The following LRRC8E variants were observed in gnomAD, a reference collection of about 807,000 sequenced individuals.
The protein encoded by LRRC8E is leucine rich repeat containing 8 VRAC subunit E, also known as volume-regulated anion channel subunit LRRC8E.
LRRC8E carries 6 observed loss-of-function variants against 6.1 expected under a neutral mutation model. The ratio of observed to expected loss-of-function variants is 0.98; its 90% confidence interval spans 0.54 to 1.93. LRRC8E has a LOEUF of 1.93. Among genes scored for constraint, LRRC8E ranks in the 30% most tolerant of loss-of-function variants. The pLI, the probability that LRRC8E is intolerant of heterozygous loss-of-function variation, is 0.01. For synonymous variants in LRRC8E, 485 were observed against 472.8 expected (o/e 1.03, Z -0.33); for missense variants, 1,028 against 1,031.4 (o/e 1.00, Z 0.04).
Position 7,900,754 on chromosome 19 carries a change from C to G in LRRC8E, c.2232C>G (p.Leu744=). ...AGCTCTCGCCCCACGTGGGTGCCCT[C>G]AGAGCCCTCAGCCGCCTGGAGCTCA... ...LSQLSPHVGA[L]RALSRLELKG... is the part of the protein sequence containing the mutation. Residue 744 remains leucine, a synonymous_variant, in exon 3 of 3, where the codon CTC becomes CTG. Coordinates refer to ENST00000306708, the MANE Select transcript of LRRC8E (RefSeq NM_025061.6). This position sits in a 1 kb window ranked among gnomAD's most constrained non-coding sequence, Gnocchi z 5.0. 6.2e-7 allele frequency: 1 copy of G among 1,611,778 alleles called. No homozygotes were observed. The highest frequency in any genetic ancestry group is 8.5e-7 in the Non-Finnish European group (1 of 1,179,012).
At position 7,895,767 on chromosome 19, in the gene LRRC8E, T is replaced by A. The variant is rs1568264192; in HGVS notation, c.138+26T>A. 6.2e-7 allele frequency: 1 copy of A among 1,606,786 alleles called. No homozygotes were observed. The highest frequency in any genetic ancestry group is 8.5e-7 in the Non-Finnish European group (1 of 1,174,294). On this transcript the variant is annotated intron_variant, in intron 2 of 2. Coordinates refer to ENST00000306708, the MANE Select transcript of LRRC8E (RefSeq NM_025061.6). This position sits in a 1 kb window ranked among gnomAD's most constrained non-coding sequence, Gnocchi z 4.7. Reference sequence around the variant, plus strand: ...GTGAGGCCCTCCCCTGGCAAGGGGGTGTGACCAGAGGGGCGGGGCAGGTGT... The same window carrying A: ...GTGAGGCCCTCCCCTGGCAAGGGGGAGTGACCAGAGGGGCGGGGCAGGTGT...
chr19:7,890,588 G>A (rs1196427415), intron 1 of LRRC8E, among the ~76,000 whole-genome samples: 4 of 152,024 alleles, frequency 2.6e-5, no homozygotes. Flanking sequence ...AGGAGATTGA[G>A]ACCATCCTGG....
At chr19:7,889,980 C>T (rs924030656) in intron 1 of LRRC8E, among the ~76,000 whole-genome samples, 9 of 151,650 alleles carry the variant, frequency 5.9e-5, no homozygotes, top group East Asian at 5.9e-4. Flanking sequence ...CTCTTGACCT[C>T]GTGATCCACC....
chr19:7,898,595 G>A (rs1981730194), intron 2 of LRRC8E, 66 bp from the exon 3 acceptor site: 3 of 1,414,966 alleles, frequency 2.1e-6, no homozygotes, highest in Admixed American at 2.1e-5. Flanking sequence ...CTGACCTAAA[G>A]TGATCCACTC....
chr19:7,890,131 C>T (rs973749218), intron 1 of LRRC8E, among the ~76,000 whole-genome samples: 3 of 152,046 alleles, frequency 2.0e-5, no homozygotes, highest in African/African-American at 7.2e-5. Context: ...ATGTTTCTTG[C>T]TTCTTCCCTG....
In LRRC8E at chr19:7,895,825, A is replaced by C; in HGVS notation, c.138+84A>C. ...AGTCGGGAAGCCTTCTCATCACCCAAGAAAGAGAGGAAACTGAAGACAGAG... is the reference window on the plus strand; with the variant it reads ...AGTCGGGAAGCCTTCTCATCACCCACGAAAGAGAGGAAACTGAAGACAGAG... On this transcript the variant is annotated intron_variant, in intron 2 of 2. Coordinates refer to ENST00000306708, the MANE Select transcript of LRRC8E (RefSeq NM_025061.6). This position sits in a 1 kb window ranked among gnomAD's most constrained non-coding sequence, Gnocchi z 4.7. The C allele has an allele frequency of 6.5e-7, 1 of 1,542,070 alleles. No homozygotes were observed. The highest frequency in any genetic ancestry group is 1.2e-5 in the South Asian group (1 of 85,432).
At chr19:7,891,240 C>A (rs1028773455) in intron 1 of LRRC8E, among the ~76,000 whole-genome samples, 1 of 152,154 alleles carries the variant, frequency 6.6e-6, no homozygotes, top group Non-Finnish European at 1.5e-5. Flanking sequence ...TACGTCCCAT[C>A]GTTTTATTTT....
At chr19:7,897,469 C>T (rs1195676084) in intron 2 of LRRC8E, among the ~76,000 whole-genome samples, 3 of 149,122 alleles carry the variant, frequency 2.0e-5, no homozygotes, top group Non-Finnish European at 3.0e-5. Flanking sequence ...TGAGCCACTG[C>T]GCCTGGTCGA....
chr19:7,899,115 C>A lies in LRRC8E; in HGVS notation c.593C>A (p.Ala198Glu). The change falls in exon 3 of 3, where the codon GCA becomes GAA. Residue 198 changes from alanine to glutamate, a missense_variant. Ala to Glu is a moderately radical substitution (Grantham distance 107). Coordinates refer to ENST00000306708, the MANE Select transcript of LRRC8E (RefSeq NM_025061.6). ...ATGGCAGGGACCGGGCCGGGGAAGG[C>A]AGGGGAGGGTGAGAAGGAGAAAGTG... ...VAMAGTGPGK[A>E]GEGEKEKVLA... 6.2e-7 allele frequency: 1 copy of A among 1,613,058 alleles called. No individual in the cohort carries two copies. Among genetic ancestry groups the A allele is most frequent in the Non-Finnish European group, 8.5e-7 (1 of 1,179,418 alleles).
At chr19:7,892,846 AC>A (rs1188385817) in intron 1 of LRRC8E, among the ~76,000 whole-genome samples, 1 of 152,096 alleles carries the variant, frequency 6.6e-6, no homozygotes, top group African/African-American at 2.4e-5. Context: ...TTTTTTAGAG[AC>A]AGGGTCTTGC....
chr19:7,895,847 A>G lies in LRRC8E; in HGVS notation c.138+106A>G. On this transcript the variant is annotated intron_variant, in intron 2 of 2. Transcript: ENST00000306708. This position sits in a 1 kb window ranked among gnomAD's most constrained non-coding sequence, Gnocchi z 4.7. The stretch of plus-strand genomic sequence containing the variant: ...CCAAGAAAGAGAGGAAACTGAAGAC[A>G]GAGCCCCACTCAAAGGCCAATCCAG... The G allele has an allele frequency of 6.9e-7, 1 of 1,452,074 alleles. No individual in the cohort carries two copies. The highest frequency in any genetic ancestry group is 9.4e-7 in the Non-Finnish European group (1 of 1,068,896). 89.9% of individuals were successfully genotyped at this position (1,452,074 alleles called of 1,614,324 possible).
At chr19:7,891,547 T>TGTGTGTGTGTTTG (rs1568262044) in intron 1 of LRRC8E, among the ~76,000 whole-genome samples, 5 of 91,586 alleles carry the variant, frequency 5.5e-5, no homozygotes, top group African/African-American at 2.2e-4. Context: ...GTGTGTGTGT[T>TGTGTGTGTGTTTG]TGTGTGTGTG....
chr19:7,895,522 C>A lies in LRRC8E; in HGVS notation c.-5-77C>A. 1 of 1,553,316 alleles carries A rather than the reference C, an allele frequency of 6.4e-7. No individual in the cohort carries two copies. The stretch of plus-strand genomic sequence containing the variant: ...GGGTCACAGGCCTGCCTGTGTCCGG[C>A]TCCTCGGAGGACCCCCTGCAGAGCC... On this transcript the variant is annotated intron_variant, in intron 1 of 2. Transcript: ENST00000306708. The surrounding 1 kb of genome is among the most constrained non-coding windows in gnomAD (Gnocchi z 4.7).
intron 1 of LRRC8E, among the ~76,000 whole-genome samples, chr19:7,892,477 G>A (rs1981367088): frequency 6.6e-6 from 1 of 152,132 alleles, no homozygotes; most frequent in Admixed American, 6.5e-5. Context: ...CAAAGTGCTG[G>A]AATTACAGGC....
Position 7,900,990 on chromosome 19 carries a change from A to ATCTT in LRRC8E, c.*77_*78insTCTT. 1 of 924,956 alleles carries ATCTT rather than the reference A, an allele frequency of 1.1e-6. No individual in the cohort carries two copies. The highest frequency in any genetic ancestry group is 1.5e-6 in the Non-Finnish European group (1 of 661,582). The allele number at this position is 924,956 out of a possible 1,614,324, so 57.3% of individuals were successfully genotyped here. A position where few individuals can be genotyped will look rare whatever the true frequency, so the allele number is the denominator to read the frequency against. ...AATCTCAACCATTGTCTTCCAAGAT[A>ATCTT]GGAAGCCAAGTGGGTCCAGGCCAGG... On this transcript the variant is annotated 3_prime_UTR_variant, in exon 3 of 3. Transcript: ENST00000306708. This position sits in a 1 kb window ranked among gnomAD's most constrained non-coding sequence, Gnocchi z 5.0.
rs1456713827 is a variant in LRRC8E at position 7,900,022 on chromosome 19, G to A, written c.1500G>A (p.Pro500=). The A allele has an allele frequency of 1.1e-5, 18 of 1,609,868 alleles. No homozygotes were observed. Among genetic ancestry groups the A allele is most frequent in the African/African-American group, 4.0e-5 (3 of 74,912 alleles). ...AATGCGAGGAGCTCCGCGAGGTGCCGCTTTGGGTGTTTGGGCTGCGGGGCT... is the reference window on the plus strand; with the variant it reads ...AATGCGAGGAGCTCCGCGAGGTGCCACTTTGGGTGTTTGGGCTGCGGGGCT... The part of the protein sequence containing the change: ...RVKCEELREV[P]LWVFGLRGLE... The change falls in exon 3 of 3, where the codon CCG becomes CCA. Residue 500 remains proline, a synonymous_variant. Coordinates refer to ENST00000306708, the MANE Select transcript of LRRC8E (RefSeq NM_025061.6). The surrounding 1 kb of genome is among the most constrained non-coding windows in gnomAD (Gnocchi z 5.0).
In LRRC8E at chr19:7,900,797, G is replaced by C; in HGVS notation, c.2275G>C (p.Ala759Pro). The C allele has an allele frequency of 6.2e-7, 1 of 1,601,744 alleles. No individual in the cohort carries two copies. ...GGAGCTCAAAGGCAACCGCTTAGAG[G>C]CGCTGCCAGAAGAACTTGGCAACTG... Reference protein sequence around the residue: ...RLELKGNRLEALPEELGNCGG... With the variant: ...RLELKGNRLEPLPEELGNCGG... The change falls in exon 3 of 3, where the codon GCG becomes CCG. Residue 759 changes from alanine (A) to proline (P), a missense_variant. Transcript: ENST00000306708. The surrounding 1 kb of genome is among the most constrained non-coding windows in gnomAD (Gnocchi z 5.0).
chr19:7,899,639 T>C lies in LRRC8E; in HGVS notation c.1117T>C (p.Tyr373His), dbSNP rs1981835419. The C allele has an allele frequency of 1.2e-6, 2 of 1,613,752 alleles. No individual in the cohort carries two copies. The highest frequency in any genetic ancestry group is 1.7e-6 in the Non-Finnish European group (2 of 1,180,030). Reference sequence around the variant, plus strand: ...CTTCATGCTGCACCTCATCGATCAGTACGACTCCCTCTACTCCAAGCGCTT... The same window carrying C: ...CTTCATGCTGCACCTCATCGATCAGCACGACTCCCTCTACTCCAAGCGCTT... ...FAFMLHLIDQ[Y>H]DSLYSKRFAV... Residue 373 changes from tyrosine to histidine, a missense_variant, in exon 3 of 3, where the codon TAC becomes CAC. Physicochemically the swap from Tyr to His is moderately conservative, Grantham distance 83. Transcript: ENST00000306708.
Position 7,900,929 on chromosome 19 carries a change from G to A in LRRC8E, c.*16G>A, listed in dbSNP as rs771388675. 92 of 1,485,780 alleles carry A rather than the reference G, an allele frequency of 6.2e-5. No homozygotes were observed. Among genetic ancestry groups the A allele is most frequent in the Admixed American group, 2.3e-4 (10 of 43,008 alleles). 92.0% of individuals were successfully genotyped at this position (1,485,780 alleles called of 1,614,324 possible). On this transcript the variant is annotated 3_prime_UTR_variant, in exon 3 of 3. Transcript: ENST00000306708. This position sits in a 1 kb window ranked among gnomAD's most constrained non-coding sequence, Gnocchi z 5.0. Reference sequence around the variant, plus strand: ...GGAGGAATGAAGCTGGGGTGGGGCCGTTTTAGGTAGAGCCTTAAAAATGCT... The same window carrying A: ...GGAGGAATGAAGCTGGGGTGGGGCCATTTTAGGTAGAGCCTTAAAAATGCT...
Sources: allele counts gnomAD v4.1 joint callset (sites outside exome capture counted in the v4.1 genomes callset), GRCh38; gene constraint gnomAD v4.1.1; non-coding constraint Gnocchi (gnomAD v3.1); transcripts MANE v1.5; gene names NCBI Gene and HGNC (gene_info 2026-07-23, HGNC 2026-07-21).